The following AGBL1 variants were observed in gnomAD, a reference collection of about 807,000 sequenced individuals.
AGBL1 encodes cytosolic carboxypeptidase 4.
AGBL1 carries 130 observed loss-of-function variants against 118.9 expected under a neutral mutation model. The ratio of observed to expected loss-of-function variants is 1.09; its 90% CI spans 0.95 to 1.26. The LOEUF is 1.26. Ranked by LOEUF, AGBL1 falls within the 50% of genes most tolerant of loss-of-function variation. The pLI is 0.00. For synonymous variants in AGBL1, 555 were observed against 478.9 expected, an observed-to-expected ratio of 1.16 and a Z score of -2.08; for missense variants, 1,584 against 1,298.1, an observed-to-expected ratio of 1.22 and a Z score of -3.38.
At chr15:86,149,321 A>T (rs774846668) in intron 3 of AGBL1, among the ~76,000 whole-genome samples, 1 of 152,230 alleles carries the variant, frequency 6.6e-6, no homozygotes, top group Non-Finnish European at 1.5e-5. Flanking sequence ...CAATTAAAAG[A>T]CACAGACTGG....
At chr15:86,638,572 C>T (rs1413379267) in intron 21 of AGBL1, among the ~76,000 whole-genome samples, 1 of 152,134 alleles carries the variant, frequency 6.6e-6, no homozygotes, top group Non-Finnish European at 1.5e-5. Flanking sequence ...TCCTTTATCT[C>T]CAAGACTCCT....
At chr15:86,687,708 T>G (rs1401771533) in intron 22 of AGBL1, among the ~76,000 whole-genome samples, 1 of 152,162 alleles carries the variant, frequency 6.6e-6, no homozygotes, top group Non-Finnish European at 1.5e-5. Context: ...TGGGAATTCT[T>G]AAATCTGCAC....
intron 18 of AGBL1, among the ~76,000 whole-genome samples, chr15:86,494,352 G>T (rs1392152271): frequency 4.6e-5 from 7 of 152,020 alleles, no homozygotes; most frequent in African/African-American, 1.4e-4. Flanking sequence ...CCTCCTAGAA[G>T]ATTTTTCTTA....
At chr15:86,305,796 T>C (rs1320379145) in intron 17 of AGBL1, among the ~76,000 whole-genome samples, 1 of 152,138 alleles carries the variant, frequency 6.6e-6, no homozygotes, top group Non-Finnish European at 1.5e-5. Flanking sequence ...AGTACTTAAA[T>C]TGGCCTTCTT....
intron 21 of AGBL1, among the ~76,000 whole-genome samples, chr15:86,604,132 C>A (rs1292139941): frequency 6.6e-6 from 1 of 150,570 alleles, no homozygotes; most frequent in Non-Finnish European, 1.5e-5. Context: ...ATCGGGGCCA[C>A]CTCAGCAGAT....
chr15:86,608,441 T>C (rs2084612301), intron 21 of AGBL1, among the ~76,000 whole-genome samples: 1 of 152,198 alleles, frequency 6.6e-6, no homozygotes, highest in African/African-American at 2.4e-5. Flanking sequence ...CACAACGTTC[T>C]TTTTTCTCTG....
intron 7 of AGBL1, among the ~76,000 whole-genome samples, chr15:86,251,557 T>A (rs77308448): frequency 0.018 from 2,702 of 152,288 alleles, 79 homozygotes; most frequent in African/African-American, 0.059. Context: ...GAACTTTTTT[T>A]AAGTCCTTCC....
At chr15:86,081,414 C>T (rs1895277559) in intron 1 of AGBL1, among the ~76,000 whole-genome samples, 1 of 152,132 alleles carries the variant, frequency 6.6e-6, no homozygotes, top group African/African-American at 2.4e-5. Context: ...TTCAGGTGTG[C>T]AGATAAGGAA....
At chr15:86,331,946 G>A (rs913700674) in intron 17 of AGBL1, among the ~76,000 whole-genome samples, 45 of 152,292 alleles carry the variant, frequency 3.0e-4, no homozygotes, top group African/African-American at 9.9e-4. Context: ...ATCATTAGTT[G>A]TCTAAGTGCC....
chr15:86,788,831 G>A (rs909699048), intron 22 of AGBL1, among the ~76,000 whole-genome samples: 1 of 152,114 alleles, frequency 6.6e-6, no homozygotes, highest in East Asian at 1.9e-4. Context: ...GAAAGAATCA[G>A]ACGTACAAAA....
At chr15:86,584,512 T>A (rs1364690398) in intron 21 of AGBL1, among the ~76,000 whole-genome samples, 3 of 152,174 alleles carry the variant, frequency 2.0e-5, no homozygotes, top group East Asian at 3.9e-4. Flanking sequence ...GTGACTTTAT[T>A]CTCAGTTTTC....
At chr15:86,216,229 C>CATTTATTT (rs56843379) in intron 5 of AGBL1, among the ~76,000 whole-genome samples, 22,297 of 150,552 alleles carry the variant, frequency 0.15, 2,047 homozygotes, top group East Asian at 0.32. Flanking sequence ...AACTACATGC[C>CATTTATTT]ATTTATTTAT....
intron 5 of AGBL1, among the ~76,000 whole-genome samples, chr15:86,181,418 A>T (rs1373439729): frequency 6.6e-6 from 1 of 152,124 alleles, no homozygotes; most frequent in Non-Finnish European, 1.5e-5. Context: ...ATTAAAAAGT[A>T]TATACTGTAT....
intron 18 of AGBL1, among the ~76,000 whole-genome samples, chr15:86,407,145 A>T (rs925609901): frequency 1.3e-5 from 2 of 152,198 alleles, no homozygotes; most frequent in African/African-American, 4.8e-5. Context: ...TTGGATAAAC[A>T]TGATTTTATT....
intron 18 of AGBL1, among the ~76,000 whole-genome samples, chr15:86,443,382 G>A (rs2082086976): frequency 6.6e-6 from 1 of 152,156 alleles, no homozygotes; most frequent in Non-Finnish European, 1.5e-5. Context: ...TTTGATACAT[G>A]TATACAATGT....
intron 9 of AGBL1, among the ~76,000 whole-genome samples, chr15:86,261,177 TG>T (rs2078976457): frequency 6.6e-6 from 1 of 152,174 alleles, no homozygotes; most frequent in Non-Finnish European, 1.5e-5. Context: ...TTGCAGCTCA[TG>T]GGTTGAATGA....
At chr15:86,127,979 AC>A (rs1483868001) in intron 1 of AGBL1, among the ~76,000 whole-genome samples, 2 of 151,064 alleles carry the variant, frequency 1.3e-5, no homozygotes, top group Non-Finnish European at 3.0e-5. Context: ...ATTTTTAAAA[AC>A]CCTCTTTTTT....
At chr15:86,116,566 G>GAATGATGA (rs1897771204) in intron 1 of AGBL1, 3 of 152,246 alleles carry the variant, frequency 2.0e-5, no homozygotes, top group Admixed American at 6.5e-5. Flanking sequence ...AAAGACAGAG[G>GAATGATGA]AATGATGAAC....
chr15:86,259,819 A>C (rs1567161940), intron 9 of AGBL1, among the ~76,000 whole-genome samples: 1 of 152,164 alleles, frequency 6.6e-6, no homozygotes, highest in Non-Finnish European at 1.5e-5. Context: ...TTGATAACTG[A>C]ATGTCTGATG....
Sources: allele counts gnomAD v4.1 joint callset (sites outside exome capture counted in the v4.1 genomes callset), GRCh38; gene constraint gnomAD v4.1.1; transcripts MANE v1.5; gene names NCBI Gene and HGNC (gene_info 2026-07-23, HGNC 2026-07-21).